PELI2: variants seen among roughly 807,000 people sequenced by gnomAD.
The protein encoded by PELI2 is pellino E3 ubiquitin protein ligase family member 2, also known as E3 ubiquitin-protein ligase pellino homolog 2.
In PELI2, 23 loss-of-function variants were observed where a neutral mutation model predicts 42.3. The observed-to-expected ratio is 0.54, with a 90% CI of 0.39 to 0.77. The LOEUF (loss-of-function observed/expected upper bound fraction) is 0.77, where lower values mean the gene tolerates loss of function less well. Among genes scored for constraint, PELI2 ranks in the 30% least tolerant of loss-of-function variants. The pLI is 0.00. For synonymous variants in PELI2, 245 were observed against 212.2 expected (o/e 1.15, Z -1.34); for missense variants, 463 against 553.2 (o/e 0.84, Z 1.64).
At chr14:56,136,194 G>C (rs920754764) in intron 1 of PELI2, among the ~76,000 whole-genome samples, 1 of 152,168 alleles carries the variant, frequency 6.6e-6, no homozygotes, top group African/African-American at 2.4e-5. Context: ...CTGTTATCCA[G>C]GGTTCCACTG....
intron 1 of PELI2, among the ~76,000 whole-genome samples, chr14:56,174,068 A>AT (rs1566619512): frequency 6.6e-6 from 1 of 151,898 alleles, no homozygotes; most frequent in Non-Finnish European, 1.5e-5. Flanking sequence ...TGCCCAGCTA[A>AT]TTTTTTGTAT....
chr14:56,288,533 A>G lies in PELI2; in HGVS notation c.406A>G (p.Ile136Val), dbSNP rs1889717049. The change falls in exon 4 of 6, where the codon ATA (isoleucine) becomes GTA (valine). Residue 136 changes from isoleucine (I) to valine (V), a missense_variant. This residue lies in a region of PELI2 where 343 missense variants were observed against 378.4 expected (regional missense o/e 0.91). Transcript: ENST00000267460. This position sits in a 1 kb window ranked among gnomAD's most constrained non-coding sequence, Gnocchi z 4.6. ...CGAAGCCCAGATCACACAGAGCACC[A>G]TATCCAGGTTCGCCTGCAGGATCGT... ...TDEAQITQST[I>V]SRFACRIVCD... The G allele has an allele frequency of 2.5e-6, 4 of 1,614,118 alleles. No homozygotes were observed. Among genetic ancestry groups the G allele is most frequent in the Non-Finnish European group, 3.4e-6 (4 of 1,179,974 alleles).
chr14:56,144,792 C>A (rs564138198), intron 1 of PELI2, among the ~76,000 whole-genome samples: 1 of 152,246 alleles, frequency 6.6e-6, no homozygotes, highest in South Asian at 2.1e-4. Context: ...TATTTATGAT[C>A]TTGTTGGGCC....
rs1322536895 is a variant in PELI2 at position 56,219,644 on chromosome 14, T to A, written c.207+41180T>A. Among the ~76,000 whole-genome samples, 1 of 152,216 alleles carries A rather than the reference T, an allele frequency of 6.6e-6. No homozygotes were observed. The highest frequency in any genetic ancestry group is 1.9e-4 in the East Asian group (1 of 5,204). The stretch of plus-strand genomic sequence containing the variant: ...CTCCCAGGACACATTTGTTCTTGTT[T>A]ATGGATGATTCTTAACTGGCTGATT... On this transcript the variant is annotated intron_variant, in intron 2 of 5. Transcript: ENST00000267460. This position sits in a 1 kb window ranked among gnomAD's most constrained non-coding sequence, Gnocchi z 4.1.
At chr14:56,249,292 A>G (rs1259923651) in intron 2 of PELI2, among the ~76,000 whole-genome samples, 1 of 152,182 alleles carries the variant, frequency 6.6e-6, no homozygotes, top group African/African-American at 2.4e-5. Flanking sequence ...CTGGGCATTA[A>G]TGGTTCCCTC....
At chr14:56,121,932 G>A (rs1369795518) in intron 1 of PELI2, among the ~76,000 whole-genome samples, 1 of 152,160 alleles carries the variant, frequency 6.6e-6, no homozygotes, top group Non-Finnish European at 1.5e-5. Flanking sequence ...GAAGATGTGC[G>A]TAAAAACAGA....
chr14:56,259,085 G>C (rs1454732684), intron 2 of PELI2, among the ~76,000 whole-genome samples: 2 of 152,122 alleles, frequency 1.3e-5, no homozygotes, highest in Non-Finnish European at 2.9e-5. Flanking sequence ...CAGAAGTAGG[G>C]AGAAACAAAG....
chr14:56,150,819 T>C (rs1006814885), intron 1 of PELI2, among the ~76,000 whole-genome samples: 5 of 152,260 alleles, frequency 3.3e-5, no homozygotes, highest in African/African-American at 1.2e-4. Context: ...CTCCATCCAC[T>C]TGGGACAGCT....
At chr14:56,181,289 A>T (rs908083248) in intron 2 of PELI2, among the ~76,000 whole-genome samples, 2 of 146,426 alleles carry the variant, frequency 1.4e-5, no homozygotes, top group African/African-American at 5.1e-5. Flanking sequence ...GGCTCTATGG[A>T]TATCCTTCTT....
In PELI2 at chr14:56,197,916, GACACACACACACACAC is replaced by G. The variant is rs55861626; in HGVS notation, c.207+19469_207+19484del. On this transcript the variant is annotated intron_variant, in intron 2 of 5. Transcript: ENST00000267460. This position sits in a 1 kb window ranked among gnomAD's most constrained non-coding sequence, Gnocchi z 4.9. Reference sequence around the variant, plus strand: ...CACACCAGGAATGGTGACTGGTGAAGACACACACACACACACACACACACACACACACCAGGGATCA... The same window carrying G: ...CACACCAGGAATGGTGACTGGTGAAGACACACACACACACACCAGGGATCA... 7.2e-6 allele frequency among the ~76,000 whole-genome samples: 1 copy of G among 138,172 alleles called. No individual in the cohort carries two copies. Among genetic ancestry groups the G allele is most frequent in the Non-Finnish European group, 1.5e-5 (1 of 64,942 alleles). 90.6% of individuals were successfully genotyped at this position (138,172 alleles called of 152,430 possible).
chr14:56,208,181 A>G (rs1886585242), intron 2 of PELI2, among the ~76,000 whole-genome samples: 1 of 152,214 alleles, frequency 6.6e-6, no homozygotes, highest in Non-Finnish European at 1.5e-5. Context: ...GCAGGCGCTA[A>G]TGGGGAAGGA....
At chr14:56,130,994 T>A (rs1883463089) in intron 1 of PELI2, among the ~76,000 whole-genome samples, 1 of 152,232 alleles carries the variant, frequency 6.6e-6, no homozygotes, top group South Asian at 2.1e-4. Context: ...ACTTTTCCTC[T>A]CTAATAAAGG....
intron 2 of PELI2, among the ~76,000 whole-genome samples, chr14:56,206,693 C>T (rs1886529787): frequency 6.6e-6 from 1 of 152,036 alleles, no homozygotes; most frequent in Non-Finnish European, 1.5e-5. Context: ...TTTTTTCTTT[C>T]CTCCTTGATC....
chr14:56,191,294 T>A (rs963360850), intron 2 of PELI2, among the ~76,000 whole-genome samples: 1 of 152,326 alleles, frequency 6.6e-6, no homozygotes, highest in Non-Finnish European at 1.5e-5. Flanking sequence ...TGCAAAGCAG[T>A]TTAATAACTT....
At chr14:56,293,587 A>G (rs1459469727) in intron 5 of PELI2, among the ~76,000 whole-genome samples, 1 of 152,208 alleles carries the variant, frequency 6.6e-6, no homozygotes, top group Non-Finnish European at 1.5e-5. Flanking sequence ...TGTTATTACT[A>G]AGCAGGGGTT....
intron 1 of PELI2, among the ~76,000 whole-genome samples, chr14:56,133,365 C>T (rs1165097852): frequency 2.6e-5 from 4 of 152,104 alleles, no homozygotes; most frequent in African/African-American, 7.2e-5. Flanking sequence ...CATGTGATTT[C>T]TAAGGTCTCT....
intron 1 of PELI2, among the ~76,000 whole-genome samples, chr14:56,151,088 A>G (rs1407913078): frequency 6.6e-6 from 1 of 152,214 alleles, no homozygotes; most frequent in Non-Finnish European, 1.5e-5. Context: ...ATGAGATTGA[A>G]GTAGGTGCTT....
intron 2 of PELI2, among the ~76,000 whole-genome samples, chr14:56,245,822 G>A (rs528246058): frequency 2.0e-5 from 3 of 152,212 alleles, no homozygotes; most frequent in South Asian, 2.1e-4. Flanking sequence ...TATTAACATA[G>A]CATTGGCATT....
chr14:56,235,241 G>A (rs10135988), intron 2 of PELI2, among the ~76,000 whole-genome samples: 50 of 152,182 alleles, frequency 3.3e-4, no homozygotes, highest in African/African-American at 1.2e-3. Flanking sequence ...TTAATACTGT[G>A]GTGAATAAAA....
Sources: gnomAD v4.1 joint callset for allele counts (sites outside exome capture counted in the v4.1 genomes callset) on GRCh38, gnomAD v4.1.1 for gene constraint, gnomAD v4.1.1 regional missense constraint, Gnocchi (gnomAD v3.1) non-coding constraint, MANE v1.5 for transcripts, NCBI Gene and HGNC (gene_info 2026-07-23, HGNC 2026-07-21) for gene names.